Variants in SF3A1 observed in about 807,000 individuals in gnomAD.
SF3A1 encodes splicing factor 3a subunit 1, also known as SAP 114.
In SF3A1, 13 loss-of-function variants were observed where a neutral mutation model predicts 89.9. The observed-to-expected ratio is 0.14, with a 90% CI of 0.09 to 0.23. SF3A1 has a LOEUF of 0.23. Among genes scored for constraint, SF3A1 ranks in the 10% least tolerant of loss-of-function variants. The probability of loss-of-function intolerance (pLI) is 1.00; values close to 1 mark genes in which losing one functional copy is unlikely to be tolerated. For synonymous variants in SF3A1, 405 were observed against 374.4 expected, an observed-to-expected ratio of 1.08 and a Z score of -0.94; for missense variants, 604 against 1,022.1, an observed-to-expected ratio of 0.59 and a Z score of 5.58.
At chr22:30,341,963 G>A (rs1027062031) in intron 6 of SF3A1, 78 bp from the exon 7 acceptor site, 21 of 1,414,806 alleles carry the variant, frequency 1.5e-5, no homozygotes, top group South Asian at 5.0e-5. Context: ...CCCAAGGGCT[G>A]GGGCCATGTC....
At chr22:30,344,613 G>C (rs1481628503) in intron 4 of SF3A1, among the ~76,000 whole-genome samples, 1 of 152,186 alleles carries the variant, frequency 6.6e-6, no homozygotes, top group Non-Finnish European at 1.5e-5. Flanking sequence ...TCTTCTCAGG[G>C]CCTTACTAGG....
Position 30,342,849 on chromosome 22 carries a change from T to C in SF3A1, c.682A>G (p.Lys228Glu). 1 of 1,612,754 alleles carries C rather than the reference T, an allele frequency of 6.2e-7. No homozygotes were observed. The highest frequency in any genetic ancestry group is 8.5e-7 in the Non-Finnish European group (1 of 1,179,204). The change falls in exon 5 of 16, where the codon AAG becomes GAG. Residue 228 changes from lysine (K) to glutamate (E), a missense_variant. Transcript: ENST00000215793. ...ILIPPKGLFSKLKKEAENPRE... is the reference protein window; with the variant it reads ...ILIPPKGLFSELKKEAENPRE... ...GGGTTTTCAGCCTCTTTCTTGAGCT[T>C]TGAAAATAAACCTTTGGGTGGAATC...
chr22:30,342,730 C>G (rs574259225), intron 5 of SF3A1, 75 bp downstream of exon 5: 1 of 968,412 alleles, frequency 1.0e-6, no homozygotes, highest in East Asian at 2.4e-5. Flanking sequence ...CAAGGTCCTG[C>G]CTCAGAGACT....
rs141985009 is a variant in SF3A1 at position 30,346,339 on chromosome 22, C to T, written c.366G>A (p.Gln122=). 8.1e-4 allele frequency: 1,255 copies of T among 1,550,740 alleles called. 3 individuals carry two copies. The Middle Eastern group carries it at 0.013, about 17-fold the overall frequency. Residue 122 remains glutamine (Q), a synonymous_variant, in exon 3 of 16, where the codon CAG becomes CAA. Coordinates refer to ENST00000215793, the MANE Select transcript of SF3A1 (RefSeq NM_005877.6). ...TCTGGGGCAGCTGCTGCTGGGTGGT[C>T]TGCTGCTGCTGCTGCATGACCTTGG... ...AIPKVMQQQQ[Q]TTQQQLPQKV...
At position 30,334,564 on chromosome 22, in the gene SF3A1, G is replaced by T; in HGVS notation, c.*30C>A. The T allele has an allele frequency of 1.4e-6, 2 of 1,456,270 alleles. No individual in the cohort carries two copies. The highest frequency in any genetic ancestry group is 1.3e-5 in the South Asian group (1 of 77,432). 90.2% of individuals were successfully genotyped at this position (1,456,270 alleles called of 1,614,324 possible). Reference sequence around the variant, plus strand: ...GGGTGGGAGACAGGAGAGGCAAAATGGCAGGGACTTGACAGCAGGTTCCTC... The same window carrying T: ...GGGTGGGAGACAGGAGAGGCAAAATTGCAGGGACTTGACAGCAGGTTCCTC... On this transcript the variant is annotated 3_prime_UTR_variant, in exon 16 of 16. Transcript: ENST00000215793.
chr22:30,338,815 T>A lies in SF3A1; in HGVS notation c.1717A>T (p.Ile573Phe), dbSNP rs934521041. ...ATNIPSSAPP[I>F]TSVPRPPTMP... ...GTGGGTGGTCGGGGCACTGAAGTGA[T>A]GGGTGGAGCCGAGCTGGGGATGTTG... Residue 573 changes from isoleucine (I) to phenylalanine (F), a missense_variant, in exon 11 of 16, where the codon ATC becomes TTC. By Grantham distance (21) the Ile-to-Phe change is conservative. This residue lies in a region of SF3A1 where 85 missense variants were observed against 137.3 expected (regional missense o/e 0.62). Transcript: ENST00000215793. 2 of 1,613,914 alleles carry A rather than the reference T, an allele frequency of 1.2e-6. No homozygotes were observed. The highest frequency in any genetic ancestry group is 1.7e-6 in the Non-Finnish European group (2 of 1,179,938).
Position 30,337,643 on chromosome 22 carries a change from G to A in SF3A1, c.1951+47C>T, listed in dbSNP as rs374315361. ...CTGCTCTGCTGACAGTACTTGGCCCGTGGTCCCTGAACTAATGGCCTGGAA... is the reference window on the plus strand; with the variant it reads ...CTGCTCTGCTGACAGTACTTGGCCCATGGTCCCTGAACTAATGGCCTGGAA... On this transcript the variant is annotated intron_variant, in intron 12 of 15. Transcript: ENST00000215793. The A allele has an allele frequency of 1.6e-4, 147 of 916,962 alleles. 2 individuals are homozygous for A. In the Middle Eastern group the frequency reaches 6.3e-3, roughly 40 times the overall value. 56.8% of individuals were successfully genotyped at this position (916,962 alleles called of 1,614,324 possible).
chr22:30,349,795 CA>C (rs1226987003), intron 2 of SF3A1, among the ~76,000 whole-genome samples: 3 of 151,794 alleles, frequency 2.0e-5, no homozygotes, highest in African/African-American at 7.3e-5. Flanking sequence ...AGATATGCGC[CA>C]CCATGCCCAG....
Position 30,333,928 on chromosome 22 carries a change from T to G in SF3A1, c.*666A>C, listed in dbSNP as rs2145797886. On this transcript the variant is annotated 3_prime_UTR_variant, in exon 16 of 16. Transcript: ENST00000215793. Reference sequence around the variant, plus strand: ...GACACAGGGACTGCACCATCCATCCTTGGTTTGCATGGTGCCTGCCATGCT... The same window carrying G: ...GACACAGGGACTGCACCATCCATCCGTGGTTTGCATGGTGCCTGCCATGCT... 1 of 152,348 alleles carries G rather than the reference T, an allele frequency of 6.6e-6. No homozygotes were observed. Among genetic ancestry groups the G allele is most frequent in the East Asian group, 1.9e-4 (1 of 5,184 alleles). The allele number at this position is 152,348 out of a possible 1,614,324, so 9.4% of individuals were successfully genotyped here.
chr22:30,356,527 C>T (rs1291974207), intron 1 of SF3A1: 2 of 411,762 alleles, frequency 4.9e-6, no homozygotes, highest in Non-Finnish European at 8.5e-6. Context: ...GCCGACGGGG[C>T]TGCTCCGCGG....
In SF3A1 at chr22:30,345,146, A is replaced by C. The variant is rs764884205; in HGVS notation, c.438T>G (p.Pro146=). ...CAGCAATGAACTCAAACTCAGGAGG[A>C]GGCTCTTTGGGCACGATGGTCTCTT... The part of the protein sequence containing the change: ...VIQETIVPKE[P]PPEFEFIADP... The change falls in exon 4 of 16, where the codon CCT becomes CCG. Residue 146 remains proline, a synonymous_variant. Coordinates refer to ENST00000215793, the MANE Select transcript of SF3A1 (RefSeq NM_005877.6). 8 of 1,613,974 alleles carry C rather than the reference A, an allele frequency of 5.0e-6. No homozygotes were observed. The highest frequency in any genetic ancestry group is 1.3e-5 in the African/African-American group (1 of 74,972).
intron 7 of SF3A1, 33 bp downstream of exon 7, chr22:30,341,659 A>G (rs1931259568): frequency 6.3e-7 from 1 of 1,591,586 alleles, no homozygotes; most frequent in Admixed American, 1.7e-5. Flanking sequence ...TTCAGGGGAA[A>G]AGGTCATCCT....
chr22:30,332,022 G>C lies in SF3A1; in HGVS notation c.*2572C>G, dbSNP rs1220103372. The C allele has an allele frequency of 1.3e-5, 2 of 152,112 alleles. No homozygotes were observed. The highest frequency in any genetic ancestry group is 2.9e-5 in the Non-Finnish European group (2 of 68,022). The allele number at this position is 152,112 out of a possible 1,614,324, so 9.4% of individuals were successfully genotyped here. ...TACATTTTGCTTTTATTTTTAAAAA[G>C]TAAACTTCTAAAAATCTTATACACT... On this transcript the variant is annotated 3_prime_UTR_variant, in exon 16 of 16. Coordinates refer to ENST00000215793, the MANE Select transcript of SF3A1 (RefSeq NM_005877.6).
Position 30,333,365 on chromosome 22 carries a change from G to C in SF3A1, c.*1229C>G, listed in dbSNP as rs573953129. 1.2e-3 allele frequency: 188 copies of C among 152,332 alleles called. No individual in the cohort carries two copies. The highest frequency in any genetic ancestry group is 4.3e-3 in the African/African-American group (178 of 41,566). The allele number at this position is 152,332 out of a possible 1,614,324, so 9.4% of individuals were successfully genotyped here. A position where few individuals can be genotyped will look rare whatever the true frequency, so the allele number is the denominator to read the frequency against. The stretch of plus-strand genomic sequence containing the variant: ...GCTAGGAGGTCCAAATGGAAGGACT[G>C]CAAATAAAAGGCACTGGGAACTCTC... On this transcript the variant is annotated 3_prime_UTR_variant, in exon 16 of 16. Transcript: ENST00000215793.
rs745368675 is a variant in SF3A1 at position 30,339,190 on chromosome 22, T to C, written c.1437A>G (p.Val479=). Residue 479 remains valine, a synonymous_variant, in exon 10 of 16, where the codon GTA becomes GTG. Transcript: ENST00000215793. ...TCTTCTTACCAATGGCTGTTTCCTC[T>C]ACACCGAAGATGTCAGTACGCCGCT... ...LAERRTDIFG[V]EETAIGKKIG... 39 of 1,614,212 alleles carry C rather than the reference T, an allele frequency of 2.4e-5. No individual in the cohort carries two copies. The highest frequency in any genetic ancestry group is 3.1e-5 in the Non-Finnish European group (36 of 1,180,036).
intron 2 of SF3A1, among the ~76,000 whole-genome samples, chr22:30,349,828 G>C (rs1467446660): frequency 1.3e-5 from 2 of 151,484 alleles, no homozygotes; most frequent in African/African-American, 4.9e-5. Flanking sequence ...ATTTTTTGTA[G>C]AGACAGGGGT....
chr22:30,348,592 C>G (rs922337536), intron 2 of SF3A1, among the ~76,000 whole-genome samples: 2 of 152,294 alleles, frequency 1.3e-5, no homozygotes, highest in African/African-American at 4.8e-5. Context: ...TAGTGATCGA[C>G]ACCCAGGCTG....
intron 4 of SF3A1, among the ~76,000 whole-genome samples, chr22:30,343,449 T>C (rs1931325359): frequency 6.6e-6 from 1 of 152,206 alleles, no homozygotes; most frequent in Non-Finnish European, 1.5e-5. Flanking sequence ...TGTCTGACAA[T>C]GTATACTTAC....
intron 9 of SF3A1, 29 bp from the exon 10 acceptor site, chr22:30,339,280 A>T (rs1931173497): frequency 1.2e-6 from 2 of 1,611,802 alleles, no homozygotes; most frequent in South Asian, 2.2e-5. Context: ...GAGGCAGAGG[A>T]TAGAAAGAGA....
Sources: gnomAD v4.1 joint callset for allele counts (sites outside exome capture counted in the v4.1 genomes callset) on GRCh38, gnomAD v4.1.1 for gene constraint, gnomAD v4.1.1 regional missense constraint, MANE v1.5 for transcripts, NCBI Gene and HGNC (gene_info 2026-07-23, HGNC 2026-07-21) for gene names.